Variants in C12orf42 observed in about 807,000 individuals in gnomAD.
C12orf42 encodes the protein uncharacterized protein C12orf42.
In C12orf42, 25 loss-of-function variants were observed where a neutral mutation model predicts 21.6. That is an observed-to-expected ratio of 1.16 (90% CI 0.84 to 1.62). The LOEUF is 1.62. Among genes scored for constraint, C12orf42 ranks in the 40% most tolerant of loss-of-function variants. The probability of loss-of-function intolerance (pLI) is 0.00; values close to 1 mark genes in which losing one functional copy is unlikely to be tolerated. For missense variants in C12orf42, 483 were observed against 459.3 expected, an observed-to-expected ratio of 1.05 and a Z score of -0.47; for synonymous variants, 174 against 175.0, an observed-to-expected ratio of 0.99 and a Z score of 0.05.
the C12orf42 span, among the ~76,000 whole-genome samples, chr12:103,541,646 T>A: frequency 6.6e-6 from 1 of 152,244 alleles, no homozygotes; most frequent in South Asian, 2.1e-4. Context: ...TTTTAAAGTG[T>A]ACTTGTGTAC....
At chr12:103,156,202 T>C in the C12orf42 span, 2 of 152,164 alleles carry the variant, frequency 1.3e-5, no homozygotes, top group Non-Finnish European at 2.9e-5. Flanking sequence ...TCTTGACATT[T>C]AAAAATGTAA....
At chr12:103,534,074 C>T in the C12orf42 span, among the ~76,000 whole-genome samples, 1 of 152,214 alleles carries the variant, frequency 6.6e-6, no homozygotes. Context: ...TTAAATTCTT[C>T]AATTCAATCA....
chr12:103,480,134 T>C (rs1455061257), intron 1 of C12orf42, among the ~76,000 whole-genome samples: 1 of 151,948 alleles, frequency 6.6e-6, no homozygotes, highest in East Asian at 1.9e-4. Flanking sequence ...GGGTTATTTA[T>C]ATTTTCTATT....
the C12orf42 span, among the ~76,000 whole-genome samples, chr12:103,176,835 C>T: frequency 5.0e-4 from 76 of 152,252 alleles, no homozygotes; most frequent in African/African-American, 1.8e-3. Context: ...GACACCACGA[C>T]CATTTGTAGT....
At chr12:103,055,506 T>C in the C12orf42 span, among the ~76,000 whole-genome samples, 2 of 152,004 alleles carry the variant, frequency 1.3e-5, no homozygotes, top group Non-Finnish European at 2.9e-5. Flanking sequence ...GAACCAGCTC[T>C]TTGTTTCATT....
At chr12:103,502,322 C>T in the C12orf42 span, among the ~76,000 whole-genome samples, 1 of 152,184 alleles carries the variant, frequency 6.6e-6, no homozygotes, top group Non-Finnish European at 1.5e-5. Context: ...TCATGCCATG[C>T]TCCATGGAGC....
intron 4 of C12orf42, among the ~76,000 whole-genome samples, chr12:103,337,710 C>G (rs1041084570): frequency 6.6e-6 from 1 of 152,086 alleles, no homozygotes; most frequent in African/African-American, 2.4e-5. Context: ...CTTTAATAAG[C>G]CACACACATC....
chr12:103,557,660 G>C, the C12orf42 span: 2 of 152,178 alleles, frequency 1.3e-5, no homozygotes, highest in African/African-American at 4.8e-5. Flanking sequence ...TCCCTGGCAG[G>C]ACCCAGCCCC....
intron 5 of C12orf42, chr12:103,273,860 G>A (rs947598549): frequency 2.6e-5 from 12 of 456,214 alleles, no homozygotes; most frequent in Middle Eastern, 3.2e-4. Context: ...CTCACAGCAG[G>A]TCTCCTCATA....
At chr12:103,368,219 T>C (rs2137877219) in intron 4 of C12orf42, 1 of 471,108 alleles carries the variant, frequency 2.1e-6, no homozygotes, top group African/African-American at 2.0e-5. Context: ...CACAAAATGA[T>C]GTTCTTTTGC....
the C12orf42 span, among the ~76,000 whole-genome samples, chr12:103,535,907 AG>A: frequency 6.6e-6 from 1 of 152,168 alleles, no homozygotes; most frequent in Non-Finnish European, 1.5e-5. Context: ...GCTCCAGAGT[AG>A]CCAGGGACCA....
chr12:103,479,300 A>G (rs1469185314), intron 1 of C12orf42, among the ~76,000 whole-genome samples: 1 of 152,066 alleles, frequency 6.6e-6, no homozygotes, highest in African/African-American at 2.4e-5. Flanking sequence ...CTGAGGCTTG[A>G]GTTTTGAGAT....
chr12:103,202,244 C>T, the C12orf42 span, among the ~76,000 whole-genome samples: 2 of 152,148 alleles, frequency 1.3e-5, no homozygotes, highest in Admixed American at 6.5e-5. Flanking sequence ...AGTTCCATTC[C>T]ATTTACAGTA....
intron 10 of C12orf42, among the ~76,000 whole-genome samples, chr12:103,245,923 G>A (rs1159665521): frequency 6.6e-6 from 1 of 152,032 alleles, no homozygotes; most frequent in East Asian, 1.9e-4. Flanking sequence ...AGAGGGAAGA[G>A]GTAGCCTTTG....
the C12orf42 span, among the ~76,000 whole-genome samples, chr12:103,087,598 T>C: frequency 6.6e-6 from 1 of 152,258 alleles, no homozygotes; most frequent in African/African-American, 2.4e-5. Flanking sequence ...TGATTTATAA[T>C]AACACTTACT....
the C12orf42 span, among the ~76,000 whole-genome samples, chr12:103,071,204 T>C: frequency 6.6e-6 from 1 of 152,082 alleles, no homozygotes; most frequent in Admixed American, 6.6e-5. Flanking sequence ...ATCTCCAAAT[T>C]TGAAACTACA....
At chr12:103,217,446 T>C in the C12orf42 span, among the ~76,000 whole-genome samples, 3 of 151,664 alleles carry the variant, frequency 2.0e-5, no homozygotes, top group African/African-American at 7.3e-5. Context: ...GGAGGATCCC[T>C]TGAGCCTCAG....
At chr12:103,493,913 ACTTCAT>A (rs994088241) in intron 1 of C12orf42, among the ~76,000 whole-genome samples, 1 of 152,176 alleles carries the variant, frequency 6.6e-6, no homozygotes, top group Non-Finnish European at 1.5e-5. Flanking sequence ...ATGATTTCTA[ACTTCAT>A]CTTCAAGATA....
intron 5 of C12orf42, among the ~76,000 whole-genome samples, chr12:103,303,462 T>G (rs1293778560): frequency 6.6e-6 from 1 of 152,138 alleles, no homozygotes; most frequent in Middle Eastern, 3.2e-3. Context: ...GTGCCTTAAA[T>G]AAAAAATGTA....
Sources: gnomAD v4.1 joint callset for allele counts (sites outside exome capture counted in the v4.1 genomes callset) on GRCh38, gnomAD v4.1.1 for gene constraint, MANE v1.5 for transcripts, NCBI Gene and HGNC (gene_info 2026-07-23, HGNC 2026-07-21) for gene names.